CLPTM1L: variants seen among roughly 807,000 people sequenced by gnomAD.
The protein encoded by CLPTM1L is CLPTM1 like, also known as lipid scramblase CLPTM1L.
In CLPTM1L, 38 loss-of-function variants were observed where a neutral mutation model predicts 70.9. That is an observed-to-expected ratio of 0.54 (90% CI 0.41 to 0.70). CLPTM1L has a LOEUF of 0.70. Ranked by LOEUF, CLPTM1L falls within the 30% of genes least tolerant of loss-of-function variation. The pLI, the probability that CLPTM1L is intolerant of heterozygous loss-of-function variation, is 0.00. For missense variants in CLPTM1L, 652 were observed against 705.9 expected, an observed-to-expected ratio of 0.92 and a Z score of 0.87; for synonymous variants, 339 against 299.9, an observed-to-expected ratio of 1.13 and a Z score of -1.35.
At chr5:1,322,207 T>G (rs1302657661) in intron 13 of CLPTM1L, among the ~76,000 whole-genome samples, 1 of 152,200 alleles carries the variant, frequency 6.6e-6, no homozygotes, top group Non-Finnish European at 1.5e-5. Flanking sequence ...GGGACCCACC[T>G]GCTCTGCACC....
At position 1,324,929 on chromosome 5, in the gene CLPTM1L, G is replaced by A. The variant is rs373532763; in HGVS notation, c.1147-116C>T. 3.2e-6 allele frequency: 3 copies of A among 929,448 alleles called. No individual in the cohort carries two copies. The African/African-American group carries it at 4.9e-5, about 15-fold the overall frequency. The allele number at this position is 929,448 out of a possible 1,614,324, so 57.6% of individuals were successfully genotyped here. On this transcript the variant is annotated intron_variant, in intron 10 of 16. Transcript: ENST00000320895. ...CAGAGCTGACCCAGGCCTCACTACA[G>A]AGGGCGCTCAGGTCCCTACCAGGCG...
In CLPTM1L at chr5:1,341,766, C is replaced by T. The variant is rs770895119; in HGVS notation, c.358G>A (p.Asp120Asn). Residue 120 changes from aspartate (D) to asparagine (N), a missense_variant, in exon 3 of 17, where the codon GAC becomes AAC. Coordinates refer to ENST00000320895, the MANE Select transcript of CLPTM1L (RefSeq NM_030782.5). ...LHHAGVLPWH[D>N]GKQVHLVSPL... ...CTGACCAGGTGCACCTGCTTCCCGT[C>T]GTGCCACGGCAGGACCCCAGCGTGA... 7.4e-6 allele frequency: 12 copies of T among 1,613,892 alleles called. No individual in the cohort carries two copies. Among genetic ancestry groups the T allele is most frequent in the African/African-American group, 2.7e-5 (2 of 74,910 alleles).
intron 5 of CLPTM1L, among the ~76,000 whole-genome samples, chr5:1,335,744 G>A (rs973802820): frequency 6.6e-6 from 1 of 150,716 alleles, no homozygotes; most frequent in African/African-American, 2.4e-5. Context: ...GCTTAGTCCT[G>A]CAGCCTGCCG....
chr5:1,335,141 T>C lies in CLPTM1L; in HGVS notation c.712A>G (p.Thr238Ala), dbSNP rs1426770372. ...INRSTTELPL[T>A]VSYDKVSLGR... is the part of the protein sequence containing the mutation. ...AGTGAGACCTTGTCGTAGGACACGGTGAGGGGCAGCTCGGTGGTGGAGCGG... is the reference window on the plus strand; with the variant it reads ...AGTGAGACCTTGTCGTAGGACACGGCGAGGGGCAGCTCGGTGGTGGAGCGG... Residue 238 changes from threonine to alanine, a missense_variant, in exon 6 of 17, where the codon ACC becomes GCC. Around this residue, in one of 3 missense-constraint regions of CLPTM1L, gnomAD observed 402 missense variants for 388.2 expected, o/e 1.04. Coordinates refer to ENST00000320895, the MANE Select transcript of CLPTM1L (RefSeq NM_030782.5). 1 of 1,613,678 alleles carries C rather than the reference T, an allele frequency of 6.2e-7. No individual in the cohort carries two copies. Among genetic ancestry groups the C allele is most frequent in the South Asian group, 1.1e-5 (1 of 91,088 alleles).
rs1436328341 is a variant in CLPTM1L at position 1,342,027 on chromosome 5, T to TGC, written c.264-168_264-167insGC. ...TACGAGTCGTGTGTGTGTGTGTGTG[T>TGC]GTGTGTGTGTGTGCACGCGCACGCG... On this transcript the variant is annotated intron_variant, in intron 2 of 16. Transcript: ENST00000320895. This position sits in a 1 kb window ranked among gnomAD's most constrained non-coding sequence, Gnocchi z 4.3. Among the ~76,000 whole-genome samples the TGC allele has an allele frequency of 1.5e-5, 2 of 132,194 alleles. No individual in the cohort carries two copies. The highest frequency in any genetic ancestry group is 3.2e-5 in the Non-Finnish European group (2 of 62,472). 86.7% of individuals were successfully genotyped at this position (132,194 alleles called of 152,430 possible). A position where few individuals can be genotyped will look rare whatever the true frequency, so the allele number is the denominator to read the frequency against.
Position 1,334,367 on chromosome 5 carries a change from A to C in CLPTM1L, c.813T>G (p.Asp271Glu). The C allele has an allele frequency of 6.2e-7, 1 of 1,605,880 alleles. No homozygotes were observed. The highest frequency in any genetic ancestry group is 1.1e-5 in the South Asian group (1 of 90,412). The change falls in exon 7 of 17, where the codon GAT becomes GAG. Residue 271 changes from aspartate (D) to glutamate (E), a missense_variant. Asp to Glu is a conservative substitution (Grantham distance 45, BLOSUM62 2). Around this residue, in one of 3 missense-constraint regions of CLPTM1L, gnomAD observed 402 missense variants for 388.2 expected, o/e 1.04. Coordinates refer to ENST00000320895, the MANE Select transcript of CLPTM1L (RefSeq NM_030782.5). ...CAAAAATTCCTTTCACCTCATCAGC[A>C]TCTTTCTCTGAAAACCCTGTCAAGG... ...SLQQFGFSEK[D>E]ADEVKGIFVD...
chr5:1,329,258 G>C (rs1278162970), intron 9 of CLPTM1L, among the ~76,000 whole-genome samples: 1 of 152,278 alleles, frequency 6.6e-6, no homozygotes, highest in Non-Finnish European at 1.5e-5. Flanking sequence ...CTGGACCACA[G>C]GGCACCGAGT....
chr5:1,335,498 G>C (rs1753519361), intron 5 of CLPTM1L, among the ~76,000 whole-genome samples: 2 of 152,216 alleles, frequency 1.3e-5, no homozygotes, highest in African/African-American at 4.8e-5. Flanking sequence ...GGTGGTGCTT[G>C]CCACCCAGCT....
Position 1,318,132 on chromosome 5 carries a change from C to T in CLPTM1L, c.*237G>A. On this transcript the variant is annotated 3_prime_UTR_variant, in exon 17 of 17. Transcript: ENST00000320895. The surrounding 1 kb of genome is among the most constrained non-coding windows in gnomAD (Gnocchi z 8.9). ...ACTCGTGTGCCGGGAGCCACCACAGCTCAAGGTGACCGGCAGCACCCAGCT... is the reference window on the plus strand; with the variant it reads ...ACTCGTGTGCCGGGAGCCACCACAGTTCAAGGTGACCGGCAGCACCCAGCT... 1 of 538,662 alleles carries T rather than the reference C, an allele frequency of 1.9e-6. No individual in the cohort carries two copies. The highest frequency in any genetic ancestry group is 2.7e-5 in the South Asian group (1 of 37,558). 33.4% of individuals were successfully genotyped at this position (538,662 alleles called of 1,614,324 possible).
chr5:1,330,250 A>G (rs1297144254), intron 9 of CLPTM1L, 30 bp downstream of exon 9: 1 of 1,580,952 alleles, frequency 6.3e-7, no homozygotes, highest in South Asian at 1.1e-5. Flanking sequence ...CATGGACCTC[A>G]GACAGTTCAG....
At chr5:1,333,022 AC>A (rs1753218712) in intron 7 of CLPTM1L, among the ~76,000 whole-genome samples, 1 of 127,496 alleles carries the variant, frequency 7.8e-6, no homozygotes, top group Non-Finnish European at 1.7e-5. Flanking sequence ...CTGTAGACAC[AC>A]CGGATAAGGG....
intron 12 of CLPTM1L, 154 bp from the exon 13 acceptor site, chr5:1,323,065 G>A: frequency 1.3e-6 from 1 of 773,782 alleles, no homozygotes; most frequent in Non-Finnish European, 2.2e-6. Context: ...GCTGAGCCTG[G>A]TTCTCAAGCT....
At chr5:1,330,083 C>T (rs190160377) in intron 9 of CLPTM1L, among the ~76,000 whole-genome samples, 197 bp downstream of exon 9, 2 of 152,268 alleles carry the variant, frequency 1.3e-5, no homozygotes, top group East Asian at 3.9e-4. Context: ...CACCCGAACA[C>T]GCATTTCCTT....
chr5:1,325,569 G>A (rs537882559), intron 10 of CLPTM1L, 182 bp downstream of exon 10: 363 of 623,960 alleles, frequency 5.8e-4, no homozygotes, highest in Non-Finnish European at 9.3e-4. Flanking sequence ...GTATATGACC[G>A]GGGAATCCTC....
intron 9 of CLPTM1L, among the ~76,000 whole-genome samples, chr5:1,328,591 G>GCTCCTCCTCTACAGACAC (rs1752814322): frequency 5.3e-5 from 3 of 56,710 alleles, no homozygotes; most frequent in African/African-American, 1.4e-4. Context: ...TCTACAGACA[G>GCTCCTCCTCTACAGACAC]ATTTCATCCA....
rs1316086323 is a variant in CLPTM1L at position 1,322,891 on chromosome 5, T to C, written c.1301A>G (p.Asn434Ser). ...CATGGACTCACCGTTGACGAAGCTG[T>C]TGATTAACCAGGAGTACCAGCTGAA... ...KYKSWYSWLI[N>S]SFVNGVYAFG... Residue 434 changes from asparagine to serine, a missense_variant, in exon 13 of 17, where the codon AAC becomes AGC. Around this residue, in one of 3 missense-constraint regions of CLPTM1L, gnomAD observed 240 missense variants for 295.0 expected, o/e 0.81. Coordinates refer to ENST00000320895, the MANE Select transcript of CLPTM1L (RefSeq NM_030782.5). The C allele has an allele frequency of 2.5e-6, 4 of 1,614,064 alleles. No homozygotes were observed. Among genetic ancestry groups the C allele is most frequent in the Non-Finnish European group, 3.4e-6 (4 of 1,179,952 alleles).
At position 1,338,899 on chromosome 5, in the gene CLPTM1L, C is replaced by T. The variant is rs201298676; in HGVS notation, c.560G>A (p.Gly187Glu). The change falls in exon 4 of 17, where the codon GGG becomes GAG. Residue 187 changes from glycine (G) to glutamate (E), a missense_variant. Gly to Glu is a moderately conservative substitution (Grantham distance 98, BLOSUM62 -2). Coordinates refer to ENST00000320895, the MANE Select transcript of CLPTM1L (RefSeq NM_030782.5). ...ATGCACATCGGCAGGCAGGGAGGAC[C>T]CGTCAAAGACAAAGTTGTCCGCCAT... ...NVMADNFVFD[G>E]SSLPADVHRY... The T allele has an allele frequency of 1.9e-6, 3 of 1,613,330 alleles. No individual in the cohort carries two copies. The East Asian group carries it at 6.7e-5, about 36-fold the overall frequency.
At position 1,334,307 on chromosome 5, in the gene CLPTM1L, G is replaced by A; in HGVS notation, c.873C>T (p.Phe291=). ...GACTCACATGGAACGCTGCGACAAA[G>A]AAGGTCAGCGCCAGGAAGTATAAGT... ...DTNLYFLALT[F]FVAAFHLLFD... is the part of the protein sequence containing the mutation. Residue 291 remains phenylalanine (F), a synonymous_variant, in exon 7 of 17, where the codon TTC becomes TTT. Coordinates refer to ENST00000320895, the MANE Select transcript of CLPTM1L (RefSeq NM_030782.5). 1 of 1,613,694 alleles carries A rather than the reference G, an allele frequency of 6.2e-7. No homozygotes were observed. Among genetic ancestry groups the A allele is most frequent in the East Asian group, 2.2e-5 (1 of 44,874 alleles).
Position 1,335,230 on chromosome 5 carries a change from C to A in CLPTM1L, c.679-56G>T. On this transcript the variant is annotated intron_variant, in intron 5 of 16. Transcript: ENST00000320895. ...CCCTCATACCCTTGCACCCAGCTGCCTGGCAGCCCTCGCCAACCCTGCCAT... is the reference window on the plus strand; with the variant it reads ...CCCTCATACCCTTGCACCCAGCTGCATGGCAGCCCTCGCCAACCCTGCCAT... 3.5e-6 allele frequency: 5 copies of A among 1,447,994 alleles called. No individual in the cohort carries two copies. The South Asian group carries it at 5.8e-5, about 17-fold the overall frequency. The allele number at this position is 1,447,994 out of a possible 1,614,324, so 89.7% of individuals were successfully genotyped here.
Sources: allele counts gnomAD v4.1 joint callset (sites outside exome capture counted in the v4.1 genomes callset), GRCh38; gene constraint gnomAD v4.1.1; regional missense constraint gnomAD v4.1.1; non-coding constraint Gnocchi (gnomAD v3.1); transcripts MANE v1.5; gene names NCBI Gene and HGNC (gene_info 2026-07-23, HGNC 2026-07-21).